GALNTL6: variants seen among roughly 807,000 people sequenced by gnomAD.
GALNTL6 encodes polypeptide N-acetylgalactosaminyltransferase-like 6.
In GALNTL6, 46 loss-of-function variants were observed where a neutral mutation model predicts 73.7. The observed-to-expected ratio is 0.62, with a 90% CI of 0.49 to 0.80. The LOEUF (loss-of-function observed/expected upper bound fraction) is 0.80, where lower values mean the gene tolerates loss of function less well. Ranked by LOEUF, GALNTL6 falls within the 30% of genes least tolerant of loss-of-function variation. The pLI, the probability that GALNTL6 is intolerant of heterozygous loss-of-function variation, is 0.00. For synonymous variants in GALNTL6, 259 were observed against 263.7 expected, an observed-to-expected ratio of 0.98 and a Z score of 0.17; for missense variants, 604 against 755.0, an observed-to-expected ratio of 0.80 and a Z score of 2.34.
At chr4:172,842,574 G>T (rs1476668932) in intron 7 of GALNTL6, among the ~76,000 whole-genome samples, 1 of 152,088 alleles carries the variant, frequency 6.6e-6, no homozygotes, top group African/African-American at 2.4e-5. Flanking sequence ...TTCACAAGGT[G>T]TAATAATATG....
intron 5 of GALNTL6, among the ~76,000 whole-genome samples, chr4:172,438,258 T>C (rs910229267): frequency 2.6e-5 from 4 of 152,116 alleles, no homozygotes; most frequent in African/African-American, 9.7e-5. Flanking sequence ...TGACTATGAC[T>C]TCCACTCACC....
chr4:171,889,389 T>A (rs1578944132), intron 2 of GALNTL6, among the ~76,000 whole-genome samples: 2 of 152,224 alleles, frequency 1.3e-5, no homozygotes, highest in South Asian at 4.1e-4. Flanking sequence ...TTTGGATTCA[T>A]ATCATTATTT....
intron 2 of GALNTL6, among the ~76,000 whole-genome samples, chr4:171,939,510 T>C (rs1341791666): frequency 2.0e-5 from 3 of 151,932 alleles, no homozygotes; most frequent in Admixed American, 1.3e-4. Flanking sequence ...ATGCATCCAG[T>C]GAAACAGACA....
chr4:171,953,015 A>G (rs1307576459), intron 2 of GALNTL6, among the ~76,000 whole-genome samples: 1 of 152,188 alleles, frequency 6.6e-6, no homozygotes, highest in East Asian at 1.9e-4. Context: ...GAAAGTTAGC[A>G]TTTACAATGA....
intron 10 of GALNTL6, among the ~76,000 whole-genome samples, chr4:172,954,714 C>T (rs911146856): frequency 4.6e-5 from 7 of 152,166 alleles, no homozygotes; most frequent in Admixed American, 4.6e-4. Context: ...TTATTCATCT[C>T]ACCTCAGCCT....
chr4:172,685,127 A>G lies in GALNTL6; in HGVS notation c.554-124234A>G, dbSNP rs1866181. Among the ~76,000 whole-genome samples, 1,141 of 152,314 alleles carry G rather than the reference A, an allele frequency of 7.5e-3. 12 individuals are homozygous for G. Among genetic ancestry groups the G allele is most frequent in the African/African-American group, 0.026 (1,086 of 41,578 alleles). On this transcript the variant is annotated intron_variant, in intron 5 of 12. Coordinates refer to ENST00000506823, the MANE Select transcript of GALNTL6 (RefSeq NM_001034845.3). ...GTAGAGGAAAATACTATGGCAAGTTAATATAAATAACCAGAAAAGGAGAGA... is the reference window on the plus strand; with the variant it reads ...GTAGAGGAAAATACTATGGCAAGTTGATATAAATAACCAGAAAAGGAGAGA...
At chr4:172,413,918 G>A (rs949522400) in intron 5 of GALNTL6, among the ~76,000 whole-genome samples, 3 of 152,052 alleles carry the variant, frequency 2.0e-5, no homozygotes, top group African/African-American at 7.2e-5. Flanking sequence ...TTCACTGCCT[G>A]CATAGAAGAT....
chr4:172,794,870 T>A (rs1740181143), intron 5 of GALNTL6, among the ~76,000 whole-genome samples: 1 of 152,204 alleles, frequency 6.6e-6, no homozygotes, highest in South Asian at 2.1e-4. Flanking sequence ...CCTTTCACTC[T>A]GAGTCTAAAC....
In GALNTL6 at chr4:172,121,210, G is replaced by A. The variant is rs1251950236; in HGVS notation, c.139-108446G>A. ...AAGATTAATAACAAGGGTGGCACAA[G>A]TCCAAGTTTGGACAGGCAGTTGCTT... On this transcript the variant is annotated intron_variant, in intron 2 of 12. Transcript: ENST00000506823. Among the ~76,000 whole-genome samples, 5 of 151,714 alleles carry A rather than the reference G, an allele frequency of 3.3e-5. No homozygotes were observed. The South Asian group carries it at 8.3e-4, about 25-fold the overall frequency.
chr4:172,380,485 C>T (rs1414710722), intron 5 of GALNTL6: 2 of 478,656 alleles, frequency 4.2e-6, no homozygotes, highest in Non-Finnish European at 8.1e-6. Context: ...GCAGCCCAGC[C>T]ATCTTGTCAG....
At chr4:172,120,710 A>G (rs1023662354) in intron 2 of GALNTL6, among the ~76,000 whole-genome samples, 2 of 152,152 alleles carry the variant, frequency 1.3e-5, no homozygotes, top group Non-Finnish European at 2.9e-5. Context: ...AAAGAGAATG[A>G]TAATGGACAG....
intron 3 of GALNTL6, among the ~76,000 whole-genome samples, chr4:172,310,275 T>G (rs1443893795): frequency 6.6e-6 from 1 of 152,084 alleles, no homozygotes; most frequent in East Asian, 1.9e-4. Flanking sequence ...TCGATAATTT[T>G]TTTTTTTTTT....
chr4:172,959,315 A>G (rs1201038246), intron 10 of GALNTL6, among the ~76,000 whole-genome samples: 1 of 152,132 alleles, frequency 6.6e-6, no homozygotes, highest in Non-Finnish European at 1.5e-5. Flanking sequence ...TCAGGGAAGC[A>G]GATAACTTAA....
Position 172,681,965 on chromosome 4 carries a change from C to T in GALNTL6, c.554-127396C>T, listed in dbSNP as rs183845113. The stretch of plus-strand genomic sequence containing the variant: ...TCAAGTTATTTCCTAATTAGAACCT[C>T]CCCCTCTGTTTATGTCCTGAAGAGG... On this transcript the variant is annotated intron_variant, in intron 5 of 12. Coordinates refer to ENST00000506823, the MANE Select transcript of GALNTL6 (RefSeq NM_001034845.3). 4.1e-3 allele frequency among the ~76,000 whole-genome samples: 617 copies of T among 152,302 alleles called. 6 individuals are homozygous for T. The highest frequency in any genetic ancestry group is 7.3e-3 in the Non-Finnish European group (494 of 68,026).
intron 5 of GALNTL6, among the ~76,000 whole-genome samples, chr4:172,455,081 G>A (rs745858531): frequency 1.3e-5 from 2 of 152,148 alleles, no homozygotes; most frequent in Non-Finnish European, 2.9e-5. Flanking sequence ...AAGCAGGGTG[G>A]GGCATCACCT....
rs191912791 is a variant in GALNTL6, at chr4:172,757,948, G to A, written c.554-51413G>A. On this transcript the variant is annotated intron_variant, in intron 5 of 12. Transcript: ENST00000506823. ...AATTAATAATTGTAAGCATTCTGCC[G>A]AAGTTCTATAGTGGTGTTTTGGGAT... is the stretch of plus-strand genomic sequence containing the variant. Among the ~76,000 whole-genome samples the A allele has an allele frequency of 1.4e-3, 211 of 152,232 alleles. 1 individual carries two copies. Among genetic ancestry groups the A allele is most frequent in the African/African-American group, 4.7e-3 (196 of 41,550 alleles).
At chr4:172,401,070 G>A (rs1744017362) in intron 5 of GALNTL6, among the ~76,000 whole-genome samples, 1 of 152,114 alleles carries the variant, frequency 6.6e-6, no homozygotes, top group Non-Finnish European at 1.5e-5. Flanking sequence ...ATTGAAAGGT[G>A]ACTGTGCTCG....
chr4:172,018,543 G>C (rs550125507), intron 2 of GALNTL6, among the ~76,000 whole-genome samples: 9 of 152,162 alleles, frequency 5.9e-5, no homozygotes, highest in Admixed American at 2.0e-4. Flanking sequence ...GGCAAGCCTG[G>C]TCTTGCTCCC....
chr4:172,931,337 C>G, intron 9 of GALNTL6, 69 bp downstream of exon 9: 2 of 885,056 alleles, frequency 2.3e-6, no homozygotes, highest in Non-Finnish European at 3.9e-6. Context: ...ACCAACCTTG[C>G]CCATGGCACA....
Sources: gnomAD v4.1 joint callset for allele counts (sites outside exome capture counted in the v4.1 genomes callset) on GRCh38, gnomAD v4.1.1 for gene constraint, MANE v1.5 for transcripts, NCBI Gene and HGNC (gene_info 2026-07-23, HGNC 2026-07-21) for gene names.